Variants in MAP2K1 observed in about 807,000 individuals in gnomAD.
The protein encoded by MAP2K1 is dual specificity mitogen-activated protein kinase kinase 1.
Under a neutral mutation model 46.3 loss-of-function variants are expected in MAP2K1, and 16 were observed. That is an observed-to-expected ratio of 0.35 (90% confidence interval 0.23 to 0.52). The LOEUF (loss-of-function observed/expected upper bound fraction) is 0.52. MAP2K1 is among the 20% of genes least tolerant of loss of function. MAP2K1 has a pLI of 0.94. For synonymous variants in MAP2K1, 183 were observed against 185.6 expected (o/e 0.99, Z 0.11); for missense variants, 263 against 497.1 (o/e 0.53, Z 4.48).
intron 5 of MAP2K1, among the ~76,000 whole-genome samples, chr15:66,465,675 G>A (rs371535400): frequency 3.9e-5 from 6 of 152,148 alleles, no homozygotes; most frequent in African/African-American, 7.2e-5. Flanking sequence ...CAACAAGAGC[G>A]AAACTCCATC....
At chr15:66,464,856 A>T (rs181620516) in intron 5 of MAP2K1, among the ~76,000 whole-genome samples, 93 of 151,980 alleles carry the variant, frequency 6.1e-4, no homozygotes, top group Non-Finnish European at 1.3e-3. Context: ...ACCTGTAGCC[A>T]GGAAAAATTA....
chr15:66,439,097 G>A (rs976448115), intron 3 of MAP2K1, among the ~76,000 whole-genome samples: 3 of 152,188 alleles, frequency 2.0e-5, no homozygotes, highest in Non-Finnish European at 4.4e-5. Context: ...TCCTGAGCAG[G>A]TCCTGTTGCA....
intron 2 of MAP2K1, 54 bp downstream of exon 2, chr15:66,435,291 G>C (rs2140580448): frequency 7.2e-7 from 1 of 1,393,884 alleles, no homozygotes; most frequent in Non-Finnish European, 1.0e-6. Flanking sequence ...GTACTTAGAA[G>C]CCTGGGGACC....
chr15:66,415,202 T>C, intron 1 of MAP2K1: 1 of 503,194 alleles, frequency 2.0e-6, no homozygotes, highest in East Asian at 5.5e-5. Flanking sequence ...GATGCCATCT[T>C]GGAGTCCTGG....
rs1893180118 is a variant in MAP2K1 at position 66,489,768 on chromosome 15, G to A, written c.1068+5G>A. 1 of 1,612,020 alleles carries A rather than the reference G, an allele frequency of 6.2e-7. No homozygotes were observed. The highest frequency in any genetic ancestry group is 1.3e-5 in the African/African-American group (1 of 74,898). On this transcript the variant is annotated splice_donor_5th_base_variant and intron_variant, in intron 10 of 10. Transcript: ENST00000307102. ...GCAGATTTGAAGCAACTCATGGTGA[G>A]TCTATTTATTCCGGATTCTTACAGT... is the stretch of plus-strand genomic sequence containing the variant.
intron 2 of MAP2K1, 40 bp from the exon 3 acceptor site, chr15:66,436,706 T>C (rs375197930): frequency 4.7e-5 from 76 of 1,603,472 alleles, no homozygotes; most frequent in Non-Finnish European, 6.1e-5. Flanking sequence ...TTCCTCCCTC[T>C]TTCTTTCATA....
intron 8 of MAP2K1, 167 bp from the exon 9 acceptor site, chr15:66,489,048 C>T: frequency 4.4e-6 from 3 of 677,480 alleles, no homozygotes; most frequent in East Asian, 2.7e-5. Context: ...GCAGCACTGG[C>T]CTTCTACCTG....
Position 66,387,239 on chromosome 15 carries a change from C to A in MAP2K1, c.-109C>A. On this transcript the variant is annotated 5_prime_UTR_variant, in exon 1 of 11. Coordinates refer to ENST00000307102, the MANE Select transcript of MAP2K1 (RefSeq NM_002755.4). ...GCACCCGCTGAAGGCAGCCCCGGGG[C>A]CCGCGGCCCGGACTTGGTCCTGCGC... 7 of 893,274 alleles carry A rather than the reference C, an allele frequency of 7.8e-6. No individual in the cohort carries two copies. Among genetic ancestry groups the A allele is most frequent in the Middle Eastern group, 3.4e-4 (1 of 2,938 alleles). The allele number at this position is 893,274 out of a possible 1,614,324, so 55.3% of individuals were successfully genotyped here.
chr15:66,423,062 A>G (rs922637154), intron 1 of MAP2K1, among the ~76,000 whole-genome samples: 7 of 152,014 alleles, frequency 4.6e-5, no homozygotes, highest in Admixed American at 4.6e-4. Flanking sequence ...TGGCCTCCCA[A>G]AATATTGGTA....
At chr15:66,415,249 G>T in intron 1 of MAP2K1, 2 of 403,864 alleles carry the variant, frequency 5.0e-6, no homozygotes, top group East Asian at 1.5e-4. Context: ...TAAGCAAACT[G>T]TGGGCCCACA....
intron 1 of MAP2K1, among the ~76,000 whole-genome samples, chr15:66,403,828 TCA>T (rs1190909029): frequency 5.3e-5 from 8 of 152,296 alleles, no homozygotes; most frequent in East Asian, 3.9e-4. Context: ...GAGAGTAGAC[TCA>T]GAGTCAGAAT....
chr15:66,443,717 A>G (rs749869487), intron 4 of MAP2K1, among the ~76,000 whole-genome samples: 7 of 152,072 alleles, frequency 4.6e-5, no homozygotes, highest in Non-Finnish European at 8.8e-5. Context: ...CAAAAAAATA[A>G]AAATAAATAG....
rs1349280573 is a variant in MAP2K1, at chr15:66,491,110, C to T, written c.*495C>T. The T allele has an allele frequency of 6.5e-6, 2 of 306,740 alleles. No individual in the cohort carries two copies. Among genetic ancestry groups the T allele is most frequent in the Non-Finnish European group, 1.2e-5 (2 of 162,476 alleles). The allele number at this position is 306,740 out of a possible 1,614,324, so 19.0% of individuals were successfully genotyped here. A position where few individuals can be genotyped will look rare whatever the true frequency, so the allele number is the denominator to read the frequency against. Reference sequence around the variant, plus strand: ...ATGAAAATGAGCATCAGAGAGTGTACATCATGTTATTTTATTATTATTATT... The same window carrying T: ...ATGAAAATGAGCATCAGAGAGTGTATATCATGTTATTTTATTATTATTATT... On this transcript the variant is annotated 3_prime_UTR_variant, in exon 11 of 11. Transcript: ENST00000307102.
At chr15:66,434,718 T>G (rs1275520652) in intron 1 of MAP2K1, among the ~76,000 whole-genome samples, 2 of 152,172 alleles carry the variant, frequency 1.3e-5, no homozygotes, top group African/African-American at 4.8e-5. Context: ...AGGTGGCTCA[T>G]TCTGGATTTT....
At chr15:66,404,192 A>G (rs2093390040) in intron 1 of MAP2K1, among the ~76,000 whole-genome samples, 1 of 152,210 alleles carries the variant, frequency 6.6e-6, no homozygotes, top group African/African-American at 2.4e-5. Context: ...TCACTAAAGG[A>G]AAGACCAGTA....
chr15:66,488,517 A>G (rs1893128169), intron 8 of MAP2K1: 1 of 152,966 alleles, frequency 6.5e-6, no homozygotes. Flanking sequence ...GTGGGCCCAC[A>G]TTTCCTGGAC....
At chr15:66,417,938 C>T (rs10468036) in intron 1 of MAP2K1, among the ~76,000 whole-genome samples, 13,037 of 152,084 alleles carry the variant, frequency 0.086, 537 homozygotes, top group Non-Finnish European at 0.086. Context: ...CTTGGGGACC[C>T]GACCGTACTT....
rs1289361446 is a variant in MAP2K1, at chr15:66,481,898, A to C, written c.693+19A>C. 1 of 1,612,122 alleles carries C rather than the reference A, an allele frequency of 6.2e-7. No individual in the cohort carries two copies. Among genetic ancestry groups the C allele is most frequent in the Middle Eastern group, 1.7e-4 (1 of 6,052 alleles). On this transcript the variant is annotated intron_variant, in intron 6 of 10. Transcript: ENST00000307102. ...CATGTCGGTATGAACAGAAGTTTCC[A>C]TTGCTTGAGCTTCTTGTACGGTCAG...
At chr15:66,402,177 G>A (rs1397421624) in intron 1 of MAP2K1, among the ~76,000 whole-genome samples, 4 of 152,148 alleles carry the variant, frequency 2.6e-5, no homozygotes, top group Admixed American at 2.6e-4. Flanking sequence ...TGGGCATTAT[G>A]TATAGCATAC....
Sources: gnomAD v4.1 joint callset for allele counts (sites outside exome capture counted in the v4.1 genomes callset) on GRCh38, gnomAD v4.1.1 for gene constraint, MANE v1.5 for transcripts, NCBI Gene and HGNC (gene_info 2026-07-23, HGNC 2026-07-21) for gene names.